The following AP1G1 variants were observed in gnomAD, a reference collection of about 807,000 sequenced individuals.
AP1G1 encodes adaptor related protein complex 1 subunit gamma 1, also known as AP-1 complex subunit gamma-1.
A neutral mutation model predicts 108.3 loss-of-function variants in AP1G1; 7 were observed. That is an observed-to-expected ratio of 0.06 (90% CI 0.04 to 0.12). The LOEUF is 0.12. Ranked by LOEUF, AP1G1 falls within the 10% of genes least tolerant of loss-of-function variation. AP1G1 has a pLI of 1.00. For missense variants in AP1G1, 756 were observed against 1,010.7 expected, an observed-to-expected ratio of 0.75 and a Z score of 3.42; for synonymous variants, 379 against 353.5, an observed-to-expected ratio of 1.07 and a Z score of -0.81.
chr16:71,808,314 G>T (rs2033069015), intron 1 of AP1G1: 1 of 768,178 alleles, frequency 1.3e-6, no homozygotes, highest in Non-Finnish European at 1.7e-6. Flanking sequence ...GGCAGGCAGC[G>T]ATTAACTGGG....
chr16:71,802,393 G>A (rs1213997512), intron 1 of AP1G1, among the ~76,000 whole-genome samples: 1 of 151,998 alleles, frequency 6.6e-6, no homozygotes, highest in Non-Finnish European at 1.5e-5. Flanking sequence ...CAGGCTCCCA[G>A]GCAGCTAAGG....
intron 1 of AP1G1, chr16:71,808,487 G>A (rs1428455549): frequency 2.4e-6 from 3 of 1,260,140 alleles, no homozygotes; most frequent in African/African-American, 3.1e-5. Flanking sequence ...AAAGTCAAGG[G>A]TTCAAGGAGG....
chr16:71,746,902 T>C (rs2030211040), intron 16 of AP1G1: 1 of 399,686 alleles, frequency 2.5e-6, no homozygotes. Context: ...CACTAGATTT[T>C]TGTCTGTTAA....
At chr16:71,746,553 A>C in intron 17 of AP1G1, 35 bp downstream of exon 17, 9 of 1,301,358 alleles carry the variant, frequency 6.9e-6, no homozygotes, top group South Asian at 3.9e-5. Flanking sequence ...CAGGATGCTA[A>C]GAGATACACG....
rs2045467054 is a variant in AP1G1, at chr16:71,730,552, T to C, written c.*2506A>G. On this transcript the variant is annotated 3_prime_UTR_variant, in exon 23 of 23. Coordinates refer to ENST00000299980, the MANE Select transcript of AP1G1 (RefSeq NM_001128.6). ...TGAAATGTGCAAGTATTCAAAGAAA[T>C]TGAAACATTTCTCCATTTAGCTGCA... 1 of 152,604 alleles carries C rather than the reference T, an allele frequency of 6.6e-6. No homozygotes were observed. Among genetic ancestry groups the C allele is most frequent in the South Asian group, 2.1e-4 (1 of 4,826 alleles). The allele number at this position is 152,604 out of a possible 1,614,324, so 9.5% of individuals were successfully genotyped here.
chr16:71,768,512 A>AAAAAAAAAAAG (rs1214880401), intron 6 of AP1G1, among the ~76,000 whole-genome samples: 1 of 150,880 alleles, frequency 6.6e-6, no homozygotes, highest in East Asian at 1.9e-4. Context: ...AAAAAAAAAA[A>AAAAAAAAAAAG]AGAGAGAAGG....
At chr16:71,795,931 T>G (rs144428103) in intron 1 of AP1G1, among the ~76,000 whole-genome samples, 1 of 152,266 alleles carries the variant, frequency 6.6e-6, no homozygotes, top group Non-Finnish European at 1.5e-5. Flanking sequence ...ACTGTTTGAA[T>G]AGGAGAGATT....
chr16:71,774,816 G>A (rs547602062), intron 2 of AP1G1, among the ~76,000 whole-genome samples: 1 of 151,934 alleles, frequency 6.6e-6, no homozygotes, highest in African/African-American at 2.4e-5. Context: ...TGCCTCCCAG[G>A]TTCAAGCCAT....
chr16:71,733,068 G>C lies in AP1G1; in HGVS notation c.2459C>G (p.Ser820Cys). The C allele has an allele frequency of 6.2e-7, 1 of 1,611,776 alleles. No individual in the cohort carries two copies. Among genetic ancestry groups the C allele is most frequent in the South Asian group, 1.1e-5 (1 of 91,016 alleles). Reference protein sequence around the residue: ...LAEVNNFPPQSWQ With the variant: ...LAEVNNFPPQCWQ ...AATGGTGCCAAACCCTCATTGCCAG[G>C]ACTGAGGGGGAAAGTTGTTCACCTC... The change falls in exon 23 of 23, where the codon TCC becomes TGC. Residue 820 changes from serine to cysteine, a missense_variant. Ser to Cys is a moderately radical substitution (Grantham distance 112). Around this residue, in one of 3 missense-constraint regions of AP1G1, gnomAD observed 95 missense variants for 160.5 expected, o/e 0.59. Transcript: ENST00000299980.
At chr16:71,782,822 T>G (rs1405782177) in intron 2 of AP1G1, among the ~76,000 whole-genome samples, 1 of 152,160 alleles carries the variant, frequency 6.6e-6, no homozygotes, top group Non-Finnish European at 1.5e-5. Context: ...TTATCTCTTT[T>G]GGGGGTATGA....
intron 13 of AP1G1, among the ~76,000 whole-genome samples, chr16:71,751,575 G>A (rs1403675232): frequency 1.3e-5 from 2 of 151,900 alleles, no homozygotes; most frequent in Non-Finnish European, 2.9e-5. Flanking sequence ...CAGAAGGAAA[G>A]GTGAGAAGCT....
chr16:71,761,625 T>G, intron 9 of AP1G1, 58 bp from the exon 10 acceptor site: 1 of 1,328,868 alleles, frequency 7.5e-7, no homozygotes, highest in South Asian at 1.2e-5. Flanking sequence ...TATTGTTTCC[T>G]GAGTTTAAAG....
In AP1G1 at chr16:71,768,603, T is replaced by C. The variant is rs2031421982; in HGVS notation, c.642+1020A>G. On this transcript the variant is annotated intron_variant, in intron 6 of 22. Transcript: ENST00000299980. ...AGTAGAGTAAAAGTAATAAAAAAAT[T>C]TTTAGTTTTAACCTTAAAAAAATAG... is the stretch of plus-strand genomic sequence containing the variant. Among the ~76,000 whole-genome samples the C allele has an allele frequency of 2.0e-5, 3 of 150,096 alleles. No homozygotes were observed. The South Asian group carries it at 6.3e-4, about 31-fold the overall frequency.
intron 15 of AP1G1, 119 bp downstream of exon 15, chr16:71,749,775 G>A: frequency 2.5e-6 from 2 of 801,504 alleles, no homozygotes; most frequent in Non-Finnish European, 4.2e-6. Context: ...ATAGGCATGA[G>A]CCACCACGCC....
chr16:71,744,737 G>A (rs35173463), intron 19 of AP1G1, among the ~76,000 whole-genome samples: 52,158 of 151,560 alleles, frequency 0.34, 9,747 homozygotes, highest in East Asian at 0.76. Context: ...CACTTCACCC[G>A]GCTAATTGTT....
intron 9 of AP1G1, among the ~76,000 whole-genome samples, chr16:71,763,188 C>T (rs148356866): frequency 2.0e-5 from 3 of 152,236 alleles, no homozygotes; most frequent in Admixed American, 2.0e-4. Context: ...GGGAGAGACC[C>T]TGTCACTAAA....
chr16:71,748,548 AGAG>A (rs895088342), intron 15 of AP1G1, among the ~76,000 whole-genome samples, 170 bp from the exon 16 acceptor site: 1 of 152,128 alleles, frequency 6.6e-6, no homozygotes, highest in Non-Finnish European at 1.5e-5. Context: ...TCTATCAACC[AGAG>A]TAGTTGGGGG....
chr16:71,767,935 G>T, intron 6 of AP1G1: 1 of 1,576,444 alleles, frequency 6.3e-7, no homozygotes, highest in Non-Finnish European at 8.6e-7. Flanking sequence ...AACATACAAA[G>T]CAAGCATTAG....
chr16:71,772,718 T>C (rs1021802208), intron 4 of AP1G1, among the ~76,000 whole-genome samples: 12 of 152,126 alleles, frequency 7.9e-5, no homozygotes, highest in African/African-American at 1.9e-4. Context: ...TTTTCAAAGG[T>C]TGTAGGGTTC....
Sources: gnomAD v4.1 joint callset for allele counts (sites outside exome capture counted in the v4.1 genomes callset) on GRCh38, gnomAD v4.1.1 for gene constraint, gnomAD v4.1.1 regional missense constraint, MANE v1.5 for transcripts, NCBI Gene and HGNC (gene_info 2026-07-23, HGNC 2026-07-21) for gene names.